Variants in ATP2B2 observed in about 807,000 individuals in gnomAD.
The protein encoded by ATP2B2 is ATPase plasma membrane Ca2+ transporting 2.
In ATP2B2, 15 loss-of-function variants were observed where a neutral mutation model predicts 120.0. That is an observed-to-expected ratio of 0.12 (90% confidence interval 0.08 to 0.19). The LOEUF (loss-of-function observed/expected upper bound fraction) is 0.19. Among genes scored for constraint, ATP2B2 ranks in the 10% least tolerant of loss-of-function variants. The pLI, the probability that ATP2B2 is intolerant of heterozygous loss-of-function variation, is 1.00. For synonymous variants in ATP2B2, 694 were observed against 700.3 expected, an observed-to-expected ratio of 0.99 and a Z score of 0.14; for missense variants, 1,045 against 1,719.8, an observed-to-expected ratio of 0.61 and a Z score of 6.94.
intron 1 of ATP2B2, among the ~76,000 whole-genome samples, chr3:10,630,678 G>C (rs1370417073): frequency 6.6e-6 from 1 of 152,142 alleles, no homozygotes; most frequent in Non-Finnish European, 1.5e-5. Context: ...CTGTAAAATG[G>C]CTCAGGTGAA....
At chr3:10,563,256 A>G (rs984515142) in intron 2 of ATP2B2, among the ~76,000 whole-genome samples, 1 of 152,250 alleles carries the variant, frequency 6.6e-6, no homozygotes, top group African/African-American at 2.4e-5. Context: ...ACTGAAGCCC[A>G]GAGGGGTTAA....
intron 2 of ATP2B2, among the ~76,000 whole-genome samples, chr3:10,563,200 T>TA (rs2067940444): frequency 6.6e-6 from 1 of 152,210 alleles, no homozygotes; most frequent in African/African-American, 2.4e-5. Flanking sequence ...ATTCTCACAT[T>TA]AAGCAATGAA....
At chr3:10,696,085 T>C (rs1008602919) in intron 1 of ATP2B2, among the ~76,000 whole-genome samples, 6 of 152,134 alleles carry the variant, frequency 3.9e-5, no homozygotes, top group Non-Finnish European at 5.9e-5. Flanking sequence ...AAACCCAAAG[T>C]GGTGAAACTG....
intron 2 of ATP2B2, among the ~76,000 whole-genome samples, chr3:10,561,823 G>A (rs1419749801): frequency 1.3e-5 from 2 of 152,338 alleles, no homozygotes; most frequent in East Asian, 1.9e-4. Flanking sequence ...GGAACTGTAA[G>A]TCCATTAAAA....
At chr3:10,664,762 G>A (rs2070882184) in intron 1 of ATP2B2, among the ~76,000 whole-genome samples, 1 of 152,176 alleles carries the variant, frequency 6.6e-6, no homozygotes, top group Admixed American at 6.5e-5. Flanking sequence ...CTTGAAAAGG[G>A]AAGGCAATAG....
At chr3:10,399,455 T>C (rs1323830579) in intron 5 of ATP2B2, among the ~76,000 whole-genome samples, 1 of 152,190 alleles carries the variant, frequency 6.6e-6, no homozygotes, top group African/African-American at 2.4e-5. Flanking sequence ...TTCCTGCAGG[T>C]CTCTATACCT....
intron 1 of ATP2B2, among the ~76,000 whole-genome samples, chr3:10,450,362 C>A (rs554491697): frequency 3.3e-5 from 5 of 152,210 alleles, no homozygotes; most frequent in Admixed American, 1.3e-4. Flanking sequence ...TTTACACACG[C>A]CCCATGCCCA....
chr3:10,602,741 G>C (rs2068957676), intron 2 of ATP2B2, among the ~76,000 whole-genome samples: 1 of 152,156 alleles, frequency 6.6e-6, no homozygotes, highest in African/African-American at 2.4e-5. Context: ...GTTGTTTACA[G>C]ATAAAAACAA....
At chr3:10,448,539 G>A (rs2063918926) in intron 2 of ATP2B2, among the ~76,000 whole-genome samples, 1 of 152,176 alleles carries the variant, frequency 6.6e-6, no homozygotes, top group Non-Finnish European at 1.5e-5. Context: ...AGAGGACCCA[G>A]CTTTGGTCCC....
intron 3 of ATP2B2, among the ~76,000 whole-genome samples, chr3:10,526,518 G>T (rs1458455111): frequency 1.3e-5 from 2 of 152,192 alleles, no homozygotes; most frequent in Admixed American, 6.5e-5. Flanking sequence ...TTTTAGAGGG[G>T]TGCTGTGGGT....
rs141136704 is a variant in ATP2B2 at position 10,676,550 on chromosome 3, G to C, written c.-460+31365C>G. ...CACACACACACACACACACACCCTT[G>C]ATGAGCAGTAAACCAGTAGCAAAGG... On this transcript the variant is annotated intron_variant, in intron 1 of 21. Transcript: ENST00000646379. Among the ~76,000 whole-genome samples the C allele has an allele frequency of 8.5e-3, 1,278 of 149,654 alleles. 20 individuals are homozygous for C. Among genetic ancestry groups the C allele is most frequent in the African/African-American group, 0.029 (1,180 of 40,474 alleles).
chr3:10,672,971 AC>A (rs2071148460), intron 1 of ATP2B2, among the ~76,000 whole-genome samples: 1 of 152,190 alleles, frequency 6.6e-6, no homozygotes, highest in African/African-American at 2.4e-5. Context: ...CAGAAACTGC[AC>A]TGGGTGTGGC....
chr3:10,485,241 G>A (rs954733167), intron 1 of ATP2B2, among the ~76,000 whole-genome samples: 4 of 152,224 alleles, frequency 2.6e-5, no homozygotes, highest in African/African-American at 9.6e-5. Context: ...TTCCTTCTGT[G>A]GTTTTCTCAT....
At chr3:10,493,532 CATCA>C (rs2066016485) in intron 1 of ATP2B2, among the ~76,000 whole-genome samples, 1 of 152,208 alleles carries the variant, frequency 6.6e-6, no homozygotes, top group Admixed American at 6.5e-5. Context: ...TGTTCCTGTA[CATCA>C]AGGGGAGGAC....
chr3:10,575,564 G>A (rs1191966396), intron 2 of ATP2B2, among the ~76,000 whole-genome samples: 1 of 152,188 alleles, frequency 6.6e-6, no homozygotes, highest in African/African-American at 2.4e-5. Flanking sequence ...ACACTTATGG[G>A]AGCTATGGAA....
At chr3:10,459,977 T>G (rs894493986) in intron 1 of ATP2B2, among the ~76,000 whole-genome samples, 1 of 152,206 alleles carries the variant, frequency 6.6e-6, no homozygotes, top group African/African-American at 2.4e-5. Context: ...CGTTTTTCCT[T>G]TCTGGTTTCT....
At chr3:10,440,894 C>T (rs2063641806) in intron 2 of ATP2B2, among the ~76,000 whole-genome samples, 1 of 152,226 alleles carries the variant, frequency 6.6e-6, no homozygotes, top group Non-Finnish European at 1.5e-5. Flanking sequence ...ATGACAGTTC[C>T]TGTTTCACAG....
At position 10,360,088 on chromosome 3, in the gene ATP2B2, C is replaced by T. The variant is rs770934467; in HGVS notation, c.1695G>A (p.Val565=). 2.5e-6 allele frequency: 4 copies of T among 1,603,616 alleles called. No individual in the cohort carries two copies. The highest frequency in any genetic ancestry group is 2.2e-5 in the East Asian group (1 of 44,620). ...PEKEGALPRQ[V]GNKTECGLLG... ...GCAGGCCGCACTCCGTCTTGTTGCCCACCTGCCGAGGCAGGGCGCCCTCCT... is the reference window on the plus strand; with the variant it reads ...GCAGGCCGCACTCCGTCTTGTTGCCTACCTGCCGAGGCAGGGCGCCCTCCT... Residue 565 remains valine (V), a synonymous_variant, in exon 13 of 23, where the codon GTG becomes GTA. Coordinates refer to ENST00000360273, the MANE Select transcript of ATP2B2 (RefSeq NM_001001331.4).
At chr3:10,663,363 A>AG (rs889897206) in intron 1 of ATP2B2, among the ~76,000 whole-genome samples, 5 of 152,192 alleles carry the variant, frequency 3.3e-5, no homozygotes, top group African/African-American at 1.2e-4. Flanking sequence ...GAGCACTCCC[A>AG]GGGGACACCA....
Sources: allele counts gnomAD v4.1 joint callset (sites outside exome capture counted in the v4.1 genomes callset), GRCh38; gene constraint gnomAD v4.1.1; transcripts MANE v1.5; gene names NCBI Gene and HGNC (gene_info 2026-07-23, HGNC 2026-07-21).